CCDC81: variants seen among roughly 807,000 people sequenced by gnomAD.
The protein encoded by CCDC81 is coiled-coil domain containing 81, also known as coiled-coil domain-containing protein 81.
A neutral mutation model predicts 83.7 loss-of-function variants in CCDC81; 79 were observed. The observed-to-expected ratio is 0.94, with a 90% CI of 0.79 to 1.14. CCDC81 has a LOEUF of 1.14. Among genes scored for constraint, CCDC81 ranks in the 50% most tolerant of loss-of-function variants. The probability of loss-of-function intolerance (pLI) is 0.00; values close to 1 mark genes in which losing one functional copy is unlikely to be tolerated. For synonymous variants in CCDC81, 252 were observed against 278.1 expected (o/e 0.91, Z 0.93); for missense variants, 791 against 778.1 (o/e 1.02, Z -0.20).
rs540826920 is a variant in CCDC81 at position 86,396,591 on chromosome 11, C to T, written c.636-1030C>T. Among the ~76,000 whole-genome samples, 12 of 152,264 alleles carry T rather than the reference C, an allele frequency of 7.9e-5. No individual in the cohort carries two copies. The South Asian group carries it at 1.5e-3, about 18-fold the overall frequency. ...GTTTGTTGCTTTGGAACAACCCCCT[C>T]CTGGAAGAGCTGTATGACACATACC... On this transcript the variant is annotated intron_variant, in intron 5 of 14. Transcript: ENST00000445632.
At chr11:86,407,546 C>A (rs2138529660) in intron 7 of CCDC81, 68 bp from the exon 8 acceptor site, 1 of 1,065,240 alleles carries the variant, frequency 9.4e-7, no homozygotes, top group African/African-American at 1.6e-5. Flanking sequence ...ATACTTGCCT[C>A]TAAAATTATT....
In CCDC81 at chr11:86,408,118, G is replaced by T; in HGVS notation, c.970-9G>T. The T allele has an allele frequency of 6.2e-7, 1 of 1,606,556 alleles. No individual in the cohort carries two copies. The highest frequency in any genetic ancestry group is 8.5e-7 in the Non-Finnish European group (1 of 1,177,770). On this transcript the variant is annotated splice_polypyrimidine_tract_variant and intron_variant, in intron 8 of 14. Transcript: ENST00000445632. ...AAAAATTTATTTGTCCTGAAATTTG[G>T]GATTGTAGGAAATGTGCTATGTATG...
chr11:86,399,902 C>A (rs1467230700), intron 6 of CCDC81, among the ~76,000 whole-genome samples: 1 of 151,716 alleles, frequency 6.6e-6, no homozygotes, highest in African/African-American at 2.4e-5. Context: ...GTGGGTGGAT[C>A]ACCTGAGGTC....
intron 13 of CCDC81, among the ~76,000 whole-genome samples, chr11:86,416,891 G>T (rs1565771918): frequency 6.6e-6 from 1 of 151,826 alleles, no homozygotes; most frequent in African/African-American, 2.4e-5. Flanking sequence ...ATTTATACTT[G>T]TTTTTTTTCT....
At chr11:86,383,859 T>C (rs1478584399) in intron 1 of CCDC81, among the ~76,000 whole-genome samples, 3 of 152,234 alleles carry the variant, frequency 2.0e-5, no homozygotes, top group Non-Finnish European at 1.5e-5. Context: ...TTCTCTTCAA[T>C]GAGAAATAGC....
In CCDC81 at chr11:86,375,056, C is replaced by A; in HGVS notation, c.-108C>A. ...TCTTATTTTTAAGGCACATCCAAAG[C>A]TCCGTGGAGAAGGGGCTGGAGGGTG... On this transcript the variant is annotated 5_prime_UTR_variant, in exon 1 of 15. Coordinates refer to ENST00000445632, the MANE Select transcript of CCDC81 (RefSeq NM_001156474.2). 1 of 939,612 alleles carries A rather than the reference C, an allele frequency of 1.1e-6. No homozygotes were observed. Among genetic ancestry groups the A allele is most frequent in the Non-Finnish European group, 1.8e-6 (1 of 570,494 alleles). 58.2% of individuals were successfully genotyped at this position (939,612 alleles called of 1,614,324 possible).
In CCDC81 at chr11:86,380,320, T is replaced by C. The variant is rs557272129; in HGVS notation, c.79+5078T>C. Among the ~76,000 whole-genome samples the C allele has an allele frequency of 3.3e-5, 5 of 152,332 alleles. No homozygotes were observed. In the South Asian group the frequency reaches 1.0e-3, roughly 32 times the overall value. Reference sequence around the variant, plus strand: ...GAGAAGTAGTTCAATATAATTCTCATCTTTGTTTCTCTATAGATGAGGTGT... The same window carrying C: ...GAGAAGTAGTTCAATATAATTCTCACCTTTGTTTCTCTATAGATGAGGTGT... On this transcript the variant is annotated intron_variant, in intron 1 of 14. Transcript: ENST00000445632.
At position 86,409,345 on chromosome 11, in the gene CCDC81, A is replaced by G; in HGVS notation, c.1198A>G (p.Asn400Asp). ...GVAEAIRNHK[N>D]EKPEFYKSFL... ...TGCTGAAGCTATAAGAAACCACAAG[A>G]ATGAGAAACCGGAATTTTATGTAAG... is the stretch of plus-strand genomic sequence containing the variant. The change falls in exon 10 of 15, where the codon AAT becomes GAT. Residue 400 changes from asparagine (N) to aspartate (D), a missense_variant. Transcript: ENST00000445632. The G allele has an allele frequency of 6.6e-7, 1 of 1,526,640 alleles. No individual in the cohort carries two copies. The allele number at this position is 1,526,640 out of a possible 1,614,324, so 94.6% of individuals were successfully genotyped here. A position where few individuals can be genotyped will look rare whatever the true frequency, so the allele number is the denominator to read the frequency against.
At chr11:86,415,357 A>C (rs756500340) in intron 13 of CCDC81, 44 bp downstream of exon 13, 2 of 1,485,440 alleles carry the variant, frequency 1.3e-6, no homozygotes, top group Non-Finnish European at 1.9e-6. Flanking sequence ...CTCCTCACTT[A>C]TTCCGCTTCC....
chr11:86,394,640 T>G (rs560797595), intron 4 of CCDC81, among the ~76,000 whole-genome samples: 1 of 152,236 alleles, frequency 6.6e-6, no homozygotes, highest in Non-Finnish European at 1.5e-5. Context: ...CTGCTTTTAT[T>G]AGAAATATTT....
chr11:86,395,242 G>A, intron 4 of CCDC81, 92 bp from the exon 5 acceptor site: 1 of 889,128 alleles, frequency 1.1e-6, no homozygotes, highest in Admixed American at 2.2e-5. Context: ...GAAAAGTATC[G>A]TGGTAGCCTT....
At chr11:86,411,979 C>T (rs777605089) in intron 10 of CCDC81, among the ~76,000 whole-genome samples, 33 of 152,322 alleles carry the variant, frequency 2.2e-4, no homozygotes, top group Middle Eastern at 3.4e-3. Flanking sequence ...TTATCCCTCC[C>T]GAATTCTGGT....
intron 4 of CCDC81, among the ~76,000 whole-genome samples, chr11:86,394,201 G>A (rs988716318): frequency 6.6e-6 from 1 of 152,208 alleles, no homozygotes; most frequent in African/African-American, 2.4e-5. Context: ...GCTGAACTTT[G>A]TAGCTTCAAT....
At chr11:86,408,452 G>A (rs1948592994) in intron 9 of CCDC81, among the ~76,000 whole-genome samples, 182 bp downstream of exon 9, 3 of 152,132 alleles carry the variant, frequency 2.0e-5, no homozygotes, top group Non-Finnish European at 4.4e-5. Flanking sequence ...TTCGACCTCA[G>A]CCTCCAGATT....
chr11:86,382,234 G>A (rs1251129021), intron 1 of CCDC81, among the ~76,000 whole-genome samples: 2 of 152,158 alleles, frequency 1.3e-5, no homozygotes, highest in Admixed American at 6.5e-5. Flanking sequence ...TTGCCATGTG[G>A]GGAATGAATA....
rs572643642 is a variant in CCDC81, at chr11:86,392,695, T to C, written c.453T>C (p.Ile151=). Residue 151 remains isoleucine, a synonymous_variant, in exon 4 of 15, where the codon ATT becomes ATC. Coordinates refer to ENST00000445632, the MANE Select transcript of CCDC81 (RefSeq NM_001156474.2). ...KQNVEFTFKG[I]GVLMIRDSKV... ...ATGTGGAGTTTACATTCAAAGGAAT[T>C]GGGGTCCTCATGATCAGAGACAGCA... 19 of 1,551,690 alleles carry C rather than the reference T, an allele frequency of 1.2e-5. No individual in the cohort carries two copies. Among genetic ancestry groups the C allele is most frequent in the Non-Finnish European group, 1.7e-5 (19 of 1,146,964 alleles).
chr11:86,405,215 T>G (rs1036657947), intron 7 of CCDC81, among the ~76,000 whole-genome samples: 3 of 152,200 alleles, frequency 2.0e-5, no homozygotes, highest in Admixed American at 2.0e-4. Context: ...CTAGGATTTT[T>G]TTTGGTAGAT....
At chr11:86,412,272 G>T in intron 10 of CCDC81, 115 bp from the exon 11 acceptor site, 1 of 834,392 alleles carries the variant, frequency 1.2e-6, no homozygotes, top group South Asian at 1.8e-5. Context: ...GTGTGTTGAG[G>T]GCTGGGCAAA....
intron 3 of CCDC81, among the ~76,000 whole-genome samples, chr11:86,388,402 A>G (rs768821324): frequency 2.6e-5 from 4 of 152,110 alleles, no homozygotes; most frequent in Non-Finnish European, 4.4e-5. Flanking sequence ...CTTTGGGTGC[A>G]TACTTCCTGA....
Sources: allele counts gnomAD v4.1 joint callset (sites outside exome capture counted in the v4.1 genomes callset), GRCh38; gene constraint gnomAD v4.1.1; transcripts MANE v1.5; gene names NCBI Gene and HGNC (gene_info 2026-07-23, HGNC 2026-07-21).